The following CDH7 variants were observed in gnomAD, a reference collection of about 807,000 sequenced individuals.
CDH7 encodes cadherin-7.
Under a neutral mutation model 71.8 loss-of-function variants are expected in CDH7, and 25 were observed. The ratio of observed to expected loss-of-function variants is 0.35; its 90% CI spans 0.25 to 0.49. The LOEUF (loss-of-function observed/expected upper bound fraction) is 0.49. CDH7 is among the 20% of genes least tolerant of loss of function. The pLI is 0.99. For synonymous variants in CDH7, 381 were observed against 363.8 expected (o/e 1.05, Z -0.54); for missense variants, 862 against 974.6 (o/e 0.88, Z 1.54).
At chr18:65,864,401 TG>T (rs1913685799) in intron 11 of CDH7, among the ~76,000 whole-genome samples, 1 of 151,620 alleles carries the variant, frequency 6.6e-6, no homozygotes, top group South Asian at 2.1e-4. Context: ...TTTTTTGTTT[TG>T]TTTTGTTTTT....
At chr18:65,752,994 G>C (rs1273115602) in intron 1 of CDH7, among the ~76,000 whole-genome samples, 1 of 152,134 alleles carries the variant, frequency 6.6e-6, no homozygotes, top group African/African-American at 2.4e-5. Context: ...TAATAGCACA[G>C]AGCTTTTTCC....
At chr18:65,828,510 T>C (rs1912214493) in intron 6 of CDH7, among the ~76,000 whole-genome samples, 1 of 152,116 alleles carries the variant, frequency 6.6e-6, no homozygotes, top group East Asian at 1.9e-4. Flanking sequence ...GAGAAAAAAT[T>C]GGTATGTATT....
chr18:65,880,750 T>A lies in CDH7; in HGVS notation c.2214T>A (p.Asn738Lys). 1 of 1,614,118 alleles carries A rather than the reference T, an allele frequency of 6.2e-7. No individual in the cohort carries two copies. The highest frequency in any genetic ancestry group is 2.2e-5 in the East Asian group (1 of 44,866). The change falls in exon 12 of 12, where the codon AAT becomes AAA. Residue 738 changes from asparagine (N) to lysine (K), a missense_variant. Asn to Lys is a moderately conservative substitution (Grantham distance 94, BLOSUM62 0). Coordinates refer to ENST00000397968, the MANE Select transcript of CDH7 (RefSeq NM_004361.5). The stretch of plus-strand genomic sequence containing the variant: ...TGCAGACATATGCTTTTGAAGGAAA[T>A]GGCTCAGTTGCTGAATCACTCAGCT... ...DSLQTYAFEG[N>K]GSVAESLSSL... is the part of the protein sequence containing the mutation.
intron 1 of CDH7, among the ~76,000 whole-genome samples, chr18:65,759,816 C>G (rs1264323102): frequency 6.6e-6 from 1 of 152,126 alleles, no homozygotes; most frequent in Non-Finnish European, 1.5e-5. Flanking sequence ...TGCTTCGTTC[C>G]TCATCAGTAA....
At chr18:65,842,784 A>T (rs986482292) in intron 6 of CDH7, among the ~76,000 whole-genome samples, 6 of 151,474 alleles carry the variant, frequency 4.0e-5, no homozygotes, top group Non-Finnish European at 4.4e-5. Context: ...CACATTTCAT[A>T]ATGCCTTATT....
chr18:65,799,615 G>GC (rs1162769937), intron 2 of CDH7, among the ~76,000 whole-genome samples: 1 of 152,010 alleles, frequency 6.6e-6, no homozygotes, highest in Admixed American at 6.6e-5. Flanking sequence ...GGCGGAGCTT[G>GC]CAGTGAGCTG....
intron 11 of CDH7, among the ~76,000 whole-genome samples, chr18:65,868,146 TAGAGA>T: frequency 6.6e-6 from 1 of 152,202 alleles, no homozygotes; most frequent in Non-Finnish European, 1.5e-5. Flanking sequence ...ATAGCAGCCC[TAGAGA>T]TAATAATGTG....
At chr18:65,808,985 G>A (rs1009300224) in intron 2 of CDH7, among the ~76,000 whole-genome samples, 19 of 152,152 alleles carry the variant, frequency 1.2e-4, no homozygotes, top group African/African-American at 4.1e-4. Flanking sequence ...AATGCAAATC[G>A]GGAGGTGCTG....
chr18:65,767,609 T>C (rs1235184813), intron 2 of CDH7, among the ~76,000 whole-genome samples: 2 of 152,186 alleles, frequency 1.3e-5, no homozygotes, highest in Admixed American at 6.5e-5. Context: ...TTATTTTTTC[T>C]AGGAATGAGT....
chr18:65,880,370 G>A (rs760695171), intron 11 of CDH7, 31 bp from the exon 12 acceptor site: 1 of 1,515,690 alleles, frequency 6.6e-7, no homozygotes, highest in Non-Finnish European at 8.8e-7. Context: ...TGAGTTTACT[G>A]AAACTTTCTC....
Position 65,757,787 on chromosome 18 carries a change from A to AT in CDH7, c.-196-4859dup, listed in dbSNP as rs1346441707. Among the ~76,000 whole-genome samples, 446 of 141,354 alleles carry AT rather than the reference A, an allele frequency of 3.2e-3. 3 individuals are homozygous for AT. The highest frequency in any genetic ancestry group is 0.012 in the African/African-American group (416 of 34,566). The allele number at this position is 141,354 out of a possible 152,430, so 92.7% of individuals were successfully genotyped here. On this transcript the variant is annotated intron_variant, in intron 1 of 11. Transcript: ENST00000397968. ...CCTTCAACTGTATATCCATATATAT[A>AT]TATATTTTTTTTTTCTGCACTTTTT...
intron 3 of CDH7, among the ~76,000 whole-genome samples, chr18:65,813,192 C>G (rs1911603750): frequency 6.6e-6 from 1 of 152,106 alleles, no homozygotes; most frequent in Admixed American, 6.5e-5. Context: ...ATTAGCTGGG[C>G]ATGGTGGCGC....
chr18:65,812,585 T>C (rs1443853670), intron 3 of CDH7, among the ~76,000 whole-genome samples: 1 of 152,214 alleles, frequency 6.6e-6, no homozygotes, highest in East Asian at 1.9e-4. Context: ...TATTGGATGT[T>C]AGCTAATCAT....
chr18:65,762,855 A>T lies in CDH7; in HGVS notation c.13A>T (p.Lys5Ter). 1 of 1,609,522 alleles carries T rather than the reference A, an allele frequency of 6.2e-7. No individual in the cohort carries two copies. The highest frequency in any genetic ancestry group is 8.5e-7 in the Non-Finnish European group (1 of 1,178,600). MKLG[K>*]VEFCHFLQLI... ...AGAAAAAAAAAAGATGAAGTTGGGC[A>T]AAGTGGAGTTCTGCCATTTTCTGCA... is the stretch of plus-strand genomic sequence containing the variant. Residue 5 changes from lysine (K) to a stop codon, truncating the protein, a stop_gained, in exon 2 of 12, where the codon AAA becomes TAA. Transcript: ENST00000397968. LOFTEE classifies it high-confidence loss of function.
At chr18:65,772,653 G>A (rs1334692683) in intron 2 of CDH7, among the ~76,000 whole-genome samples, 2 of 152,124 alleles carry the variant, frequency 1.3e-5, no homozygotes, top group African/African-American at 4.8e-5. Context: ...CTGTAATATG[G>A]TATAAAATAA....
intron 6 of CDH7, among the ~76,000 whole-genome samples, chr18:65,828,307 G>T (rs148241069): frequency 6.6e-6 from 1 of 152,008 alleles, no homozygotes; most frequent in South Asian, 2.1e-4. Context: ...TACTAATTAC[G>T]AAGGTTTTCT....
chr18:65,779,172 G>A (rs1441797399), intron 2 of CDH7, among the ~76,000 whole-genome samples: 5 of 149,440 alleles, frequency 3.3e-5, no homozygotes, highest in Non-Finnish European at 5.9e-5. Context: ...CACAGAATGA[G>A]CATTCAGAAG....
At chr18:65,830,506 T>C (rs768602774) in intron 6 of CDH7, among the ~76,000 whole-genome samples, 7 of 151,864 alleles carry the variant, frequency 4.6e-5, no homozygotes, top group Non-Finnish European at 8.8e-5. Flanking sequence ...TGGTTATAAA[T>C]ACATTTCCTT....
chr18:65,753,705 A>G (rs1915950293), intron 1 of CDH7, among the ~76,000 whole-genome samples: 1 of 152,162 alleles, frequency 6.6e-6, no homozygotes, highest in South Asian at 2.1e-4. Context: ...GCGTCTGACA[A>G]GCAGAGCAGA....
Sources: gnomAD v4.1 joint callset for allele counts (sites outside exome capture counted in the v4.1 genomes callset) on GRCh38, gnomAD v4.1.1 for gene constraint, MANE v1.5 for transcripts, NCBI Gene and HGNC (gene_info 2026-07-23, HGNC 2026-07-21) for gene names.